RNF216: variants seen among roughly 807,000 people sequenced by gnomAD.
RNF216 encodes the protein ring finger protein 216.
Under a neutral mutation model 110.8 loss-of-function variants are expected in RNF216, and 72 were observed. The observed-to-expected ratio is 0.65, with a 90% CI of 0.54 to 0.79. RNF216 has a LOEUF of 0.79. RNF216 is among the 30% of genes least tolerant of loss of function. The pLI, the probability that RNF216 is intolerant of heterozygous loss-of-function variation, is 0.00. For synonymous variants in RNF216, 495 were observed against 407.5 expected (o/e 1.21, Z -2.59); for missense variants, 1,342 against 1,141.2 (o/e 1.18, Z -2.54).
In RNF216 at chr7:5,624,142, G is replaced by T. The variant is rs766772595; in HGVS notation, c.2383-17C>A. 3.1e-6 allele frequency: 5 copies of T among 1,609,178 alleles called. No individual in the cohort carries two copies. In the African/African-American group the frequency reaches 6.7e-5, roughly 21 times the overall value. ...ATCATCTTCCTAAAACGCAAGCAAT[G>T]AGAAGGATGAACCTGTAGCTTCATG... On this transcript the variant is annotated splice_polypyrimidine_tract_variant and intron_variant, in intron 15 of 16. Coordinates refer to ENST00000389902, the MANE Select transcript of RNF216 (RefSeq NM_207111.4). The surrounding 1 kb of genome is among the most constrained non-coding windows in gnomAD (Gnocchi z 4.4).
intron 11 of RNF216, among the ~76,000 whole-genome samples, chr7:5,714,661 T>G (rs1204384388): frequency 1.3e-5 from 2 of 152,272 alleles, no homozygotes; most frequent in African/African-American, 4.8e-5. Flanking sequence ...GTGTTTGTTA[T>G]GCTGGTGTCC....
chr7:5,710,739 TC>T (rs1182531330), intron 13 of RNF216, among the ~76,000 whole-genome samples: 1 of 152,086 alleles, frequency 6.6e-6, no homozygotes, highest in Non-Finnish European at 1.5e-5. Flanking sequence ...TCCACTCCAC[TC>T]CCACCCTTTC....
At chr7:5,763,994 G>C (rs1363596221) in intron 1 of RNF216, among the ~76,000 whole-genome samples, 1 of 152,094 alleles carries the variant, frequency 6.6e-6, no homozygotes, top group Non-Finnish European at 1.5e-5. Context: ...TTTGAGACCA[G>C]CCTGGCCAAC....
intron 3 of RNF216, among the ~76,000 whole-genome samples, chr7:5,746,083 C>T (rs980834670): frequency 6.6e-6 from 1 of 152,172 alleles, no homozygotes; most frequent in Non-Finnish European, 1.5e-5. Flanking sequence ...ACTCAAGGAA[C>T]ACAGGAAAAA....
intron 5 of RNF216, among the ~76,000 whole-genome samples, chr7:5,732,192 A>G (rs558368715): frequency 0.019 from 2,928 of 152,266 alleles, 42 homozygotes; most frequent in Non-Finnish European, 0.03. Context: ...GTAATTCTCC[A>G]TCCTAGAATT....
chr7:5,654,995 C>T (rs1788643054), intron 13 of RNF216, among the ~76,000 whole-genome samples: 2 of 152,218 alleles, frequency 1.3e-5, no homozygotes, highest in Admixed American at 6.5e-5. Context: ...GGCTCCTAAC[C>T]TCTAAAACAA....
At chr7:5,759,697 T>C (rs1206950612) in intron 2 of RNF216, among the ~76,000 whole-genome samples, 1 of 141,860 alleles carries the variant, frequency 7.0e-6, no homozygotes, top group African/African-American at 2.6e-5. Flanking sequence ...AGTGGCACAA[T>C]CTCAGCTCAC....
intron 9 of RNF216, among the ~76,000 whole-genome samples, chr7:5,718,983 G>T (rs1057259283): frequency 1.3e-5 from 2 of 152,112 alleles, no homozygotes; most frequent in African/African-American, 4.8e-5. Flanking sequence ...TGTTTATCAA[G>T]TTAATGGTAT....
chr7:5,708,203 A>G (rs1156419077), intron 13 of RNF216, among the ~76,000 whole-genome samples: 2 of 152,210 alleles, frequency 1.3e-5, no homozygotes, highest in Non-Finnish European at 2.9e-5. Flanking sequence ...GAGGAGAAAA[A>G]GTGTTTTCTG....
intron 2 of RNF216, among the ~76,000 whole-genome samples, chr7:5,757,053 T>A (rs948347086): frequency 1.3e-5 from 2 of 152,230 alleles, no homozygotes; most frequent in African/African-American, 4.8e-5. Flanking sequence ...ATTCAAAATA[T>A]CTTCTAATTT....
intron 13 of RNF216, among the ~76,000 whole-genome samples, chr7:5,674,276 C>A (rs1008678246): frequency 6.6e-6 from 1 of 152,102 alleles, no homozygotes; most frequent in African/African-American, 2.4e-5. Flanking sequence ...GATCCACCCA[C>A]CTCTGCCTCC....
rs555683716 is a variant in RNF216 at position 5,723,414 on chromosome 7, G to A, written c.1504+1910C>T. Among the ~76,000 whole-genome samples the A allele has an allele frequency of 1.1e-4, 16 of 152,200 alleles. 1 individual carries two copies. Among genetic ancestry groups the A allele is most frequent in the Admixed American group, 1.0e-3 (16 of 15,286 alleles). Reference sequence around the variant, plus strand: ...CTGTAATCTCGCACTTTGGGAGGCCGAGGCGGGCGGATCACGAGGTCAGGA... The same window carrying A: ...CTGTAATCTCGCACTTTGGGAGGCCAAGGCGGGCGGATCACGAGGTCAGGA... On this transcript the variant is annotated intron_variant, in intron 8 of 16. Coordinates refer to ENST00000389902, the MANE Select transcript of RNF216 (RefSeq NM_207111.4).
intron 14 of RNF216, among the ~76,000 whole-genome samples, chr7:5,644,661 T>C (rs1346296737): frequency 1.3e-5 from 2 of 151,760 alleles, no homozygotes; most frequent in Admixed American, 6.6e-5. Flanking sequence ...TACACCACCA[T>C]GCCCAGTTAA....
At chr7:5,634,135 T>A (rs751521302) in intron 15 of RNF216, among the ~76,000 whole-genome samples, 8 of 152,202 alleles carry the variant, frequency 5.3e-5, no homozygotes, top group Non-Finnish European at 1.0e-4. Context: ...CTTTTGAGAC[T>A]TTTTTTCCAA....
At chr7:5,640,070 T>C (rs994065403) in intron 15 of RNF216, among the ~76,000 whole-genome samples, 2 of 151,726 alleles carry the variant, frequency 1.3e-5, no homozygotes, top group South Asian at 4.2e-4. Context: ...ATTTTTTTTT[T>C]TTTTTTTAAT....
intron 15 of RNF216, among the ~76,000 whole-genome samples, chr7:5,640,300 A>C (rs1381797736): frequency 6.6e-6 from 1 of 151,552 alleles, no homozygotes; most frequent in Non-Finnish European, 1.5e-5. Context: ...TGCAAGAAAA[A>C]CCTTATCTTC....
At chr7:5,717,899 C>T (rs1356069525) in intron 9 of RNF216, among the ~76,000 whole-genome samples, 1 of 152,140 alleles carries the variant, frequency 6.6e-6, no homozygotes, top group Non-Finnish European at 1.5e-5. Flanking sequence ...CCTCCCACCT[C>T]AGCTTCCCGA....
At chr7:5,729,918 A>G (rs1199417898) in intron 6 of RNF216, among the ~76,000 whole-genome samples, 4 of 152,238 alleles carry the variant, frequency 2.6e-5, no homozygotes, top group Non-Finnish European at 5.9e-5. Context: ...AGACAGTCAA[A>G]GAATCTATGG....
intron 13 of RNF216, among the ~76,000 whole-genome samples, chr7:5,665,420 C>G (rs1789443480): frequency 6.6e-6 from 1 of 152,090 alleles, no homozygotes; most frequent in African/African-American, 2.4e-5. Flanking sequence ...CCTACCATTT[C>G]TATGTACAGA....
Sources: gnomAD v4.1 joint callset for allele counts (sites outside exome capture counted in the v4.1 genomes callset) on GRCh38, gnomAD v4.1.1 for gene constraint, Gnocchi (gnomAD v3.1) non-coding constraint, MANE v1.5 for transcripts, NCBI Gene and HGNC (gene_info 2026-07-23, HGNC 2026-07-21) for gene names.